The following SCFD1 variants were observed in gnomAD, a reference collection of about 807,000 sequenced individuals.
SCFD1 encodes sec1 family domain containing 1, also known as sec1 family domain-containing protein 1.
A neutral mutation model predicts 103.2 loss-of-function variants in SCFD1; 37 were observed. The ratio of observed to expected loss-of-function variants is 0.36; its 90% CI spans 0.28 to 0.47. The LOEUF is 0.47. Ranked by LOEUF, SCFD1 falls within the 20% of genes least tolerant of loss-of-function variation. The probability of loss-of-function intolerance (pLI) is 1.00; values close to 1 mark genes in which losing one functional copy is unlikely to be tolerated. For missense variants in SCFD1, 639 were observed against 761.2 expected (o/e 0.84, Z 1.89); for synonymous variants, 264 against 245.0 (o/e 1.08, Z -0.73).
intron 14 of SCFD1, chr14:30,683,084 T>C (rs1363678013): frequency 1.5e-6 from 2 of 1,348,420 alleles, no homozygotes; most frequent in East Asian, 2.4e-5. Context: ...AGTAGGTTTC[T>C]TGCAGATACT....
chr14:30,716,754 C>T (rs998077117), intron 20 of SCFD1, among the ~76,000 whole-genome samples: 8 of 152,108 alleles, frequency 5.3e-5, no homozygotes, highest in African/African-American at 1.9e-4. Flanking sequence ...TGAGTGTCAC[C>T]TTTTTTGTAA....
chr14:30,655,960 T>C (rs960347777), intron 10 of SCFD1, among the ~76,000 whole-genome samples: 1 of 151,874 alleles, frequency 6.6e-6, no homozygotes, highest in African/African-American at 2.4e-5. Flanking sequence ...AGCACCATCT[T>C]TACAAAAAAT....
intron 10 of SCFD1, among the ~76,000 whole-genome samples, chr14:30,660,591 C>G (rs541968878): frequency 6.6e-6 from 1 of 152,106 alleles, no homozygotes; most frequent in South Asian, 2.1e-4. Context: ...CCTCCTCCAT[C>G]TTTTTAGCCA....
chr14:30,646,187 T>C (rs1350852211), intron 7 of SCFD1, among the ~76,000 whole-genome samples: 1 of 152,106 alleles, frequency 6.6e-6, no homozygotes, highest in Non-Finnish European at 1.5e-5. Context: ...CACGCCCAGC[T>C]AATTTTTCTA....
intron 23 of SCFD1, among the ~76,000 whole-genome samples, chr14:30,731,926 T>C (rs1893504034): frequency 6.6e-6 from 1 of 152,174 alleles, no homozygotes. Context: ...ATCCCTGTCT[T>C]GTGCCAGTTT....
chr14:30,707,769 C>A, intron 18 of SCFD1: 1 of 572,528 alleles, frequency 1.7e-6, no homozygotes, highest in South Asian at 1.7e-5. Context: ...TAATTATTGA[C>A]TAATCAGAGT....
At chr14:30,660,184 C>T (rs2139149920) in intron 10 of SCFD1, among the ~76,000 whole-genome samples, 1 of 152,272 alleles carries the variant, frequency 6.6e-6, no homozygotes, top group South Asian at 2.1e-4. Context: ...CCTCCCTCCT[C>T]ACTTCTTTTT....
chr14:30,684,415 CCAGT>C (rs1314097151), intron 14 of SCFD1, among the ~76,000 whole-genome samples: 1 of 152,144 alleles, frequency 6.6e-6, no homozygotes, highest in Non-Finnish European at 1.5e-5. Context: ...TGGGCTATAG[CCAGT>C]CAAATGTCTT....
intron 19 of SCFD1, among the ~76,000 whole-genome samples, chr14:30,710,491 A>T (rs2139373668): frequency 6.6e-6 from 1 of 152,228 alleles, no homozygotes; most frequent in South Asian, 2.1e-4. Context: ...GAGAAAAAAT[A>T]GATGGTACTG....
Position 30,683,379 on chromosome 14 carries a change from T to C in SCFD1, c.1242+8314T>C, listed in dbSNP as rs1458663392. ...TGAGAGCTTATGCTTATACCTCAGG[T>C]CTTCATATATTGTGGCAGCTGCTCC... On this transcript the variant is annotated intron_variant, in intron 14 of 24. Transcript: ENST00000458591. 3 of 544,886 alleles carry C rather than the reference T, an allele frequency of 5.5e-6. No individual in the cohort carries two copies. The East Asian group carries it at 1.2e-4, about 22-fold the overall frequency. 33.8% of individuals were successfully genotyped at this position (544,886 alleles called of 1,614,324 possible).
At position 30,714,324 on chromosome 14, in the gene SCFD1, G is replaced by A. The variant is rs1217471048; in HGVS notation, c.1630-1600G>A. On this transcript the variant is annotated intron_variant, in intron 19 of 24. Coordinates refer to ENST00000458591, the MANE Select transcript of SCFD1 (RefSeq NM_016106.4). ...AGCCGAGATTGCGCCACTGCAGTCCGCAGTCCGGCCTGGGCGACAGAGCGA... is the reference window on the plus strand; with the variant it reads ...AGCCGAGATTGCGCCACTGCAGTCCACAGTCCGGCCTGGGCGACAGAGCGA... Among the ~76,000 whole-genome samples, 12 of 148,468 alleles carry A rather than the reference G, an allele frequency of 8.1e-5. No individual in the cohort carries two copies. The South Asian group carries it at 2.5e-3, about 31-fold the overall frequency.
intron 19 of SCFD1, 100 bp from the exon 20 acceptor site, chr14:30,715,824 T>C (rs1317960268): frequency 4.8e-6 from 3 of 631,242 alleles, no homozygotes; most frequent in Non-Finnish European, 8.3e-6. Flanking sequence ...ATGTGTTTAA[T>C]TGAAAGGTAA....
chr14:30,641,328 G>T (rs556343568), intron 6 of SCFD1, among the ~76,000 whole-genome samples: 1 of 152,266 alleles, frequency 6.6e-6, no homozygotes, highest in African/African-American at 2.4e-5. Flanking sequence ...AACTAAGGCT[G>T]CTATCTTAGA....
At chr14:30,719,409 A>G (rs771780462) in intron 21 of SCFD1, 32 bp downstream of exon 21, 3 of 1,543,414 alleles carry the variant, frequency 1.9e-6, no homozygotes, top group Middle Eastern at 1.7e-4. Flanking sequence ...TAACTTGTGG[A>G]TTTTTTCCCC....
intron 21 of SCFD1, among the ~76,000 whole-genome samples, chr14:30,720,324 G>T (rs944187601): frequency 2.0e-5 from 3 of 152,052 alleles, no homozygotes; most frequent in Non-Finnish European, 2.9e-5. Context: ...TTCTTCTAGG[G>T]GTGATAAAAA....
chr14:30,724,259 T>TTTG (rs1892876604), intron 23 of SCFD1, among the ~76,000 whole-genome samples: 4 of 136,564 alleles, frequency 2.9e-5, no homozygotes, highest in African/African-American at 1.1e-4. Flanking sequence ...TTTTTTTTTT[T>TTTG]TTTTTTTTTT....
At chr14:30,645,128 G>C (rs1885683566) in intron 7 of SCFD1, among the ~76,000 whole-genome samples, 2 of 152,146 alleles carry the variant, frequency 1.3e-5, no homozygotes, top group South Asian at 4.1e-4. Flanking sequence ...CATTGTCGAA[G>C]ATCAGATGGT....
intron 14 of SCFD1, 82 bp from the exon 15 acceptor site, chr14:30,694,691 A>C: frequency 6.9e-7 from 1 of 1,452,402 alleles, no homozygotes; most frequent in Non-Finnish European, 9.0e-7. Flanking sequence ...TGATCATAGA[A>C]AATAGAAACT....
At chr14:30,630,387 A>T in intron 2 of SCFD1, 90 bp from the exon 3 acceptor site, 1 of 779,976 alleles carries the variant, frequency 1.3e-6, no homozygotes, top group South Asian at 1.4e-5. Context: ...TATATGATGT[A>T]TTAAAATAAA....
Sources: gnomAD v4.1 joint callset for allele counts (sites outside exome capture counted in the v4.1 genomes callset) on GRCh38, gnomAD v4.1.1 for gene constraint, MANE v1.5 for transcripts, NCBI Gene and HGNC (gene_info 2026-07-23, HGNC 2026-07-21) for gene names.